CGAS: variants seen among roughly 807,000 people sequenced by gnomAD.
CGAS encodes the protein cyclic GMP-AMP synthase, also known as 2'3'-cGAMP synthase.
A neutral mutation model predicts 34.0 loss-of-function variants in CGAS; 31 were observed. That is an observed-to-expected ratio of 0.91 (90% confidence interval 0.69 to 1.23). The LOEUF (loss-of-function observed/expected upper bound fraction) is 1.23. Ranked by LOEUF, CGAS falls within the 50% of genes most tolerant of loss-of-function variation. The pLI, the probability that CGAS is intolerant of heterozygous loss-of-function variation, is 0.00. For synonymous variants in CGAS, 266 were observed against 260.0 expected (o/e 1.02, Z -0.22); for missense variants, 597 against 657.6 (o/e 0.91, Z 1.01).
chr6:73,452,118 C>T lies in CGAS; in HGVS notation c.64G>A (p.Ala22Thr), dbSNP rs1307042642. 3 of 1,604,302 alleles carry T rather than the reference C, an allele frequency of 1.9e-6. No individual in the cohort carries two copies. Among genetic ancestry groups the T allele is most frequent in the African/African-American group, 2.7e-5 (2 of 74,484 alleles). The stretch of plus-strand genomic sequence containing the variant: ...GCGCCCCTGGCATTCCGTGCGGAAG[C>T]CTTGGGGGCAGTGGCTCCGGCCTCG... ...ASEAGATAPK[A>T]SARNARGAPM... The change falls in exon 1 of 5, where the codon GCT becomes ACT. Residue 22 changes from alanine (A) to threonine (T), a missense_variant. Ala to Thr is a moderately conservative substitution (Grantham distance 58, BLOSUM62 0). Around this residue, in one of 3 missense-constraint regions of CGAS, gnomAD observed 321 missense variants for 314.3 expected, o/e 1.02. Transcript: ENST00000370315.
At chr6:73,430,358 T>G (rs1341108701) in intron 3 of CGAS, among the ~76,000 whole-genome samples, 1 of 152,098 alleles carries the variant, frequency 6.6e-6, no homozygotes, top group Non-Finnish European at 1.5e-5. Context: ...ATGCTGGGCA[T>G]GGTGGTTCAC....
chr6:73,439,930 G>A lies in CGAS; in HGVS notation c.1114+279C>T, dbSNP rs1459488821. Reference sequence around the variant, plus strand: ...AGCCTCAGGATTCAGAACCAGGGCAGTCTGACTCCAAGGCCAATACTGCTT... The same window carrying A: ...AGCCTCAGGATTCAGAACCAGGGCAATCTGACTCCAAGGCCAATACTGCTT... On this transcript the variant is annotated intron_variant, in intron 3 of 4. Coordinates refer to ENST00000370315, the MANE Select transcript of CGAS (RefSeq NM_138441.3). 3.3e-5 allele frequency: 11 copies of A among 332,514 alleles called. 1 individual carries two copies. The highest frequency in any genetic ancestry group is 5.6e-6 in the Non-Finnish European group (1 of 179,150). The allele number at this position is 332,514 out of a possible 1,614,324, so 20.6% of individuals were successfully genotyped here. A position where few individuals can be genotyped will look rare whatever the true frequency, so the allele number is the denominator to read the frequency against.
chr6:73,441,056 T>G (rs1346734918), intron 2 of CGAS, among the ~76,000 whole-genome samples: 3 of 151,920 alleles, frequency 2.0e-5, no homozygotes, highest in African/African-American at 7.2e-5. Flanking sequence ...TTCTTTTCTT[T>G]TCTTTTCTTT....
chr6:73,434,657 T>C (rs538968558), intron 3 of CGAS, among the ~76,000 whole-genome samples: 3 of 147,452 alleles, frequency 2.0e-5, no homozygotes, highest in Non-Finnish European at 4.5e-5. Context: ...AAGTATATAA[T>C]TTTTTTTTTT....
At chr6:73,432,577 C>T (rs943841755) in intron 3 of CGAS, among the ~76,000 whole-genome samples, 2 of 152,112 alleles carry the variant, frequency 1.3e-5, no homozygotes, top group Non-Finnish European at 2.9e-5. Flanking sequence ...CCCACCTCAG[C>T]CCCCCAAATA....
chr6:73,437,688 A>G (rs1770301360), intron 3 of CGAS, among the ~76,000 whole-genome samples: 2 of 152,172 alleles, frequency 1.3e-5, no homozygotes, highest in South Asian at 2.1e-4. Flanking sequence ...TAAATCATAA[A>G]CTGTTCTTTA....
At chr6:73,430,421 C>T (rs1269102025) in intron 3 of CGAS, among the ~76,000 whole-genome samples, 1 of 152,056 alleles carries the variant, frequency 6.6e-6, no homozygotes, top group African/African-American at 2.4e-5. Flanking sequence ...GCCTGGCCAA[C>T]ATGGTGAAAC....
rs146116825 is a variant in CGAS, at chr6:73,428,748, G to C, written c.1178C>G (p.Ser393Cys). ...TTCTTTGTTTTCACAGCACGTTTTA[G>C]ATTTTCCATGATTGTTCAAAATTTC... is the stretch of plus-strand genomic sequence containing the variant. ...EKEILNNHGKSKTCCENKEEK... is the reference protein window; with the variant it reads ...EKEILNNHGKCKTCCENKEEK... The change falls in exon 4 of 5, where the codon TCT becomes TGT. Residue 393 changes from serine to cysteine, a missense_variant. By Grantham distance (112) the Ser-to-Cys change is moderately radical. Around this residue, in one of 3 missense-constraint regions of CGAS, gnomAD observed 271 missense variants for 324.1 expected, o/e 0.84. Transcript: ENST00000370315. 40 of 1,613,846 alleles carry C rather than the reference G, an allele frequency of 2.5e-5. No homozygotes were observed. The African/African-American group carries it at 4.3e-4, about 17-fold the overall frequency.
intron 1 of CGAS, among the ~76,000 whole-genome samples, chr6:73,449,459 A>G (rs1228889684): frequency 7.3e-6 from 1 of 136,084 alleles, no homozygotes; most frequent in Non-Finnish European, 1.6e-5. Flanking sequence ...TGGGTGACAG[A>G]GTGAGACTCT....
At chr6:73,427,012 G>A (rs963934877) in intron 4 of CGAS, among the ~76,000 whole-genome samples, 1 of 151,600 alleles carries the variant, frequency 6.6e-6, no homozygotes, top group Admixed American at 6.6e-5. Flanking sequence ...CACCTCGCCC[G>A]GCTAATTTTT....
At chr6:73,445,272 T>G (rs1770450960) in intron 2 of CGAS, among the ~76,000 whole-genome samples, 1 of 151,788 alleles carries the variant, frequency 6.6e-6, no homozygotes, top group African/African-American at 2.4e-5. Flanking sequence ...TCATTGATTA[T>G]CTAATGTGTA....
At chr6:73,445,159 T>C (rs1770448902) in intron 2 of CGAS, among the ~76,000 whole-genome samples, 1 of 152,016 alleles carries the variant, frequency 6.6e-6, no homozygotes, top group African/African-American at 2.4e-5. Context: ...GCATTGGGAA[T>C]GGATGAAATA....
At chr6:73,427,963 T>A (rs1770117292) in intron 4 of CGAS, among the ~76,000 whole-genome samples, 1 of 151,824 alleles carries the variant, frequency 6.6e-6, no homozygotes, top group Non-Finnish European at 1.5e-5. Flanking sequence ...CAGGCACCAG[T>A]CACCATGCCT....
intron 1 of CGAS, among the ~76,000 whole-genome samples, chr6:73,450,039 A>AAGAGAGAG (rs35518684): frequency 1.3e-5 from 2 of 148,250 alleles, no homozygotes; most frequent in African/African-American, 2.5e-5. Context: ...GAACAAAATA[A>AAGAGAGAG]AGAGAGAGAG....
intron 1 of CGAS, among the ~76,000 whole-genome samples, chr6:73,449,310 A>G (rs182663705): frequency 6.6e-6 from 1 of 152,008 alleles, no homozygotes; most frequent in African/African-American, 2.4e-5. Flanking sequence ...CCCCGTCTCT[A>G]CTAAAAATAC....
chr6:73,443,902 C>A lies in CGAS; in HGVS notation c.877+1626G>T, dbSNP rs931361612. ...ATCTAGGAACAAAAAGAGACTCTTT[C>A]GGAAAAGATGAAGTTATATGAAATG... On this transcript the variant is annotated intron_variant, in intron 2 of 4. Coordinates refer to ENST00000370315, the MANE Select transcript of CGAS (RefSeq NM_138441.3). Among the ~76,000 whole-genome samples the A allele has an allele frequency of 7.9e-5, 12 of 152,104 alleles. 1 individual carries two copies. The highest frequency in any genetic ancestry group is 2.9e-4 in the African/African-American group (12 of 41,428).
At chr6:73,451,121 T>G (rs1241563424) in intron 1 of CGAS, among the ~76,000 whole-genome samples, 6 of 150,510 alleles carry the variant, frequency 4.0e-5, no homozygotes, top group Non-Finnish European at 5.9e-5. Context: ...GAGTAAGAGG[T>G]CTTCCTCATA....
At chr6:73,441,651 A>G (rs118153209) in intron 2 of CGAS, among the ~76,000 whole-genome samples, 2,405 of 152,274 alleles carry the variant, frequency 0.016, 167 homozygotes, top group Admixed American at 0.12. Flanking sequence ...GGGACACTCA[A>G]GTGGAGATGG....
chr6:73,446,682 T>C (rs1184725961), intron 1 of CGAS, among the ~76,000 whole-genome samples: 3 of 16,970 alleles, frequency 1.8e-4, no homozygotes, highest in Non-Finnish European at 3.2e-4. Context: ...GAGCCGAGAT[T>C]GCGCCACTGC....
Sources: allele counts gnomAD v4.1 joint callset (sites outside exome capture counted in the v4.1 genomes callset), GRCh38; gene constraint gnomAD v4.1.1; regional missense constraint gnomAD v4.1.1; transcripts MANE v1.5; gene names NCBI Gene and HGNC (gene_info 2026-07-23, HGNC 2026-07-21).